The following PTGIS variants were observed in gnomAD, a reference collection of about 807,000 sequenced individuals.
The protein encoded by PTGIS is prostaglandin I2 synthase.
A neutral mutation model predicts 50.3 loss-of-function variants in PTGIS; 45 were observed. The ratio of observed to expected loss-of-function variants is 0.90; its 90% confidence interval spans 0.70 to 1.15. The LOEUF (loss-of-function observed/expected upper bound fraction) is 1.15, where lower values mean the gene tolerates loss of function less well. Ranked by LOEUF, PTGIS falls within the 50% of genes most tolerant of loss-of-function variation. The probability of loss-of-function intolerance (pLI) is 0.00; values close to 1 mark genes in which losing one functional copy is unlikely to be tolerated. For synonymous variants in PTGIS, 260 were observed against 267.7 expected (o/e 0.97, Z 0.28); for missense variants, 668 against 661.3 (o/e 1.01, Z -0.11).
chr20:49,568,008 TTGTC>T (rs1282623231), intron 1 of PTGIS, 31 bp downstream of exon 1: 2 of 1,463,636 alleles, frequency 1.4e-6, no homozygotes, highest in African/African-American at 1.5e-5. Context: ...GCCGCCCCCT[TTGTC>T]TGGCGGGGCC....
At chr20:49,550,497 C>T (rs542379724) in intron 1 of PTGIS, among the ~76,000 whole-genome samples, 5 of 152,302 alleles carry the variant, frequency 3.3e-5, no homozygotes, top group Non-Finnish European at 7.4e-5. Context: ...TTGTCCTTAA[C>T]CTTGGTAAAA....
At chr20:49,567,563 G>A (rs897594553) in intron 1 of PTGIS, among the ~76,000 whole-genome samples, 5 of 152,254 alleles carry the variant, frequency 3.3e-5, no homozygotes, top group African/African-American at 1.2e-4. Context: ...GGGTTGAGGA[G>A]CGAGGCTATC....
intron 1 of PTGIS, among the ~76,000 whole-genome samples, chr20:49,566,583 T>C (rs930832950): frequency 6.6e-6 from 1 of 152,264 alleles, no homozygotes; most frequent in African/African-American, 2.4e-5. Flanking sequence ...GTGAGCTTAT[T>C]GTTTGAAAAT....
chr20:49,536,293 T>C (rs1297414177), intron 5 of PTGIS, among the ~76,000 whole-genome samples: 3 of 152,170 alleles, frequency 2.0e-5, no homozygotes, highest in Non-Finnish European at 2.9e-5. Context: ...GATTCTCTCA[T>C]AATGTAAACA....
Position 49,524,225 on chromosome 20 carries a change from T to C in PTGIS, c.688A>G (p.Met230Val), listed in dbSNP as rs764600606. 6.2e-7 allele frequency: 1 copy of C among 1,612,564 alleles called. No individual in the cohort carries two copies. Among genetic ancestry groups the C allele is most frequent in the South Asian group, 1.1e-5 (1 of 91,012 alleles). Residue 230 changes from methionine (M) to valine (V), a missense_variant, in exon 6 of 10, where the codon ATG becomes GTG. Transcript: ENST00000244043. ...GSLSVGDKDHMCSVKSRLWKL... is the reference protein window; with the variant it reads ...GSLSVGDKDHVCSVKSRLWKL... The stretch of plus-strand genomic sequence containing the variant: ...CACAGGCGACTTTTGACACTGCACA[T>C]GTGGTCCTTGTCCCCTGCAGGGACA...
intron 1 of PTGIS, among the ~76,000 whole-genome samples, chr20:49,559,081 A>G (rs1982695558): frequency 6.6e-6 from 1 of 152,102 alleles, no homozygotes; most frequent in African/African-American, 2.4e-5. Context: ...TGCTTACCCA[A>G]CAGACCCAAG....
chr20:49,539,255 C>T (rs974806726), intron 5 of PTGIS, among the ~76,000 whole-genome samples: 23 of 152,018 alleles, frequency 1.5e-4, no homozygotes, highest in African/African-American at 3.4e-4. Flanking sequence ...ATAATCAGCA[C>T]GAACTACTTG....
In PTGIS at chr20:49,513,219, A is replaced by T; in HGVS notation, c.1067T>A (p.Phe356Tyr). Residue 356 changes from phenylalanine to tyrosine, a missense_variant, in exon 8 of 10, where the codon TTC becomes TAC. Transcript: ENST00000244043. ...GTCCACCACAACCTCGCGGGTGATG[A>T]AGGGGGCAGCTGTAAGCCTGAGGCT... ...SESLRLTAAP[F>Y]ITREVVVDLA... 6.2e-7 allele frequency: 1 copy of T among 1,613,980 alleles called. No individual in the cohort carries two copies. The highest frequency in any genetic ancestry group is 1.1e-5 in the South Asian group (1 of 91,082).
chr20:49,533,076 G>C (rs1981976279), intron 5 of PTGIS, among the ~76,000 whole-genome samples: 1 of 152,090 alleles, frequency 6.6e-6, no homozygotes, highest in African/African-American at 2.4e-5. Flanking sequence ...ATGCTATGTA[G>C]CCTCGGCTGA....
At chr20:49,534,151 A>G (rs1244685574) in intron 5 of PTGIS, among the ~76,000 whole-genome samples, 1 of 152,134 alleles carries the variant, frequency 6.6e-6, no homozygotes, top group Non-Finnish European at 1.5e-5. Flanking sequence ...TTACTGATGG[A>G]CTTTAAATTG....
At chr20:49,562,413 G>A (rs1982799416) in intron 1 of PTGIS, among the ~76,000 whole-genome samples, 1 of 152,210 alleles carries the variant, frequency 6.6e-6, no homozygotes, top group Non-Finnish European at 1.5e-5. Flanking sequence ...CAGGAAGCCC[G>A]GAGCCCAGGC....
intron 5 of PTGIS, among the ~76,000 whole-genome samples, chr20:49,529,799 A>G (rs887402320): frequency 2.0e-5 from 3 of 152,154 alleles, no homozygotes; most frequent in Non-Finnish European, 2.9e-5. Context: ...ATTACAGTAT[A>G]TCGTTATAAT....
intron 5 of PTGIS, among the ~76,000 whole-genome samples, chr20:49,533,577 A>G (rs1981990178): frequency 6.6e-6 from 1 of 152,210 alleles, no homozygotes; most frequent in African/African-American, 2.4e-5. Context: ...AGAATCTAAG[A>G]GTTCAAGTCC....
intron 5 of PTGIS, among the ~76,000 whole-genome samples, chr20:49,529,645 G>C (rs1460148344): frequency 1.3e-5 from 2 of 152,078 alleles, no homozygotes; most frequent in Non-Finnish European, 2.9e-5. Context: ...ATCTTGCCTG[G>C]GGGGTGAATC....
chr20:49,511,112 TTCCCA>T lies in PTGIS; in HGVS notation c.1269_1273del (p.Asp423GlufsTer51). ...GGGCATGTTGTAATTCTTCAGCCGT[TTCCCA>T]TCCTTGTAAAAGTCTTTCTTCTCTG... is the stretch of plus-strand genomic sequence containing the variant. On this transcript the variant is annotated frameshift_variant, in exon 9 of 10. Coordinates refer to ENST00000244043, the MANE Select transcript of PTGIS (RefSeq NM_000961.4). LOFTEE classifies it high-confidence loss of function. 1 of 1,614,236 alleles carries T rather than the reference TTCCCA, an allele frequency of 6.2e-7. No homozygotes were observed. Among genetic ancestry groups the T allele is most frequent in the Non-Finnish European group, 8.5e-7 (1 of 1,180,038 alleles).
intron 6 of PTGIS, among the ~76,000 whole-genome samples, chr20:49,517,452 G>C (rs1417833029): frequency 7.3e-6 from 1 of 136,060 alleles, no homozygotes; most frequent in African/African-American, 3.3e-5. Context: ...ATGTGAGTGT[G>C]AGTGTGTGTG....
intron 1 of PTGIS, among the ~76,000 whole-genome samples, chr20:49,567,449 C>T (rs966803838): frequency 1.3e-5 from 2 of 152,188 alleles, no homozygotes; most frequent in African/African-American, 2.4e-5. Flanking sequence ...CACCGACCCC[C>T]GTCTTCCAGA....
At chr20:49,536,478 C>CTTTTTTTTTTTTTT (rs761478359) in intron 5 of PTGIS, among the ~76,000 whole-genome samples, 11 of 108,664 alleles carry the variant, frequency 1.0e-4, no homozygotes, top group South Asian at 3.0e-4. Flanking sequence ...TTCTTTCTTT[C>CTTTTTTTTTTTTTT]TTTTTTTTTT....
chr20:49,517,716 A>G (rs1354996316), intron 6 of PTGIS, among the ~76,000 whole-genome samples: 1 of 152,286 alleles, frequency 6.6e-6, no homozygotes, highest in East Asian at 1.9e-4. Context: ...GGTGATTCAC[A>G]TGCTCCTTCT....
Sources: gnomAD v4.1 joint callset for allele counts (sites outside exome capture counted in the v4.1 genomes callset) on GRCh38, gnomAD v4.1.1 for gene constraint, MANE v1.5 for transcripts, NCBI Gene and HGNC (gene_info 2026-07-23, HGNC 2026-07-21) for gene names.